DYNLT2: variants seen among roughly 807,000 people sequenced by gnomAD.
DYNLT2 encodes dynein light chain Tctex-type 2, also known as dynein light chain Tctex-type protein 2.
A neutral mutation model predicts 24.3 loss-of-function variants in DYNLT2; 24 were observed. The ratio of observed to expected loss-of-function variants is 0.99; its 90% confidence interval spans 0.71 to 1.39. The LOEUF (loss-of-function observed/expected upper bound fraction) is 1.39. Ranked by LOEUF, DYNLT2 falls within the 40% of genes most tolerant of loss-of-function variation. The probability of loss-of-function intolerance (pLI) is 0.00; values close to 1 mark genes in which losing one functional copy is unlikely to be tolerated. For missense variants in DYNLT2, 246 were observed against 234.5 expected (o/e 1.05, Z -0.32); for synonymous variants, 85 against 85.4 (o/e 1.00, Z 0.03).
At chr6:169,738,304 T>C (rs1374453008), downstream of DYNLT2, among the ~76,000 whole-genome samples, 3 of 152,220 alleles carry the variant, frequency 2.0e-5, no homozygotes, top group African/African-American at 7.2e-5. Flanking sequence ...ATCAGGCAGC[T>C]GCAGCCAGTG....
chr6:169,738,632 G>C (rs1249622140), downstream of DYNLT2: 2 of 152,268 alleles, frequency 1.3e-5, no homozygotes, highest in Non-Finnish European at 2.9e-5. Flanking sequence ...ATTTTGATGA[G>C]AGAACCTGGA....
intron 1 of DYNLT2, among the ~76,000 whole-genome samples, chr6:169,745,082 T>C (rs992399870): frequency 5.3e-5 from 8 of 152,034 alleles, no homozygotes; most frequent in African/African-American, 1.9e-4. Flanking sequence ...TGATGTTTGC[T>C]GTGAAGTTTT....
intron 3 of DYNLT2, 74 bp downstream of exon 3, chr6:169,743,006 A>G: frequency 8.1e-7 from 1 of 1,231,900 alleles, no homozygotes; most frequent in Non-Finnish European, 1.1e-6. Context: ...AGTCATCACA[A>G]TAAAAATCAA....
the DYNLT2 span, among the ~76,000 whole-genome samples, chr6:169,731,444 G>A: frequency 1.3e-5 from 2 of 152,128 alleles, no homozygotes; most frequent in East Asian, 1.9e-4. Context: ...GAGATGAGAC[G>A]TAAGGCAAAG....
chr6:169,744,359 T>C (rs1327719330), intron 1 of DYNLT2, 85 bp from the exon 2 acceptor site: 2 of 1,146,022 alleles, frequency 1.7e-6, no homozygotes, highest in African/African-American at 3.1e-5. Flanking sequence ...TAAATAAGCC[T>C]GTACAGTGGG....
At chr6:169,734,983 T>C in the DYNLT2 span, among the ~76,000 whole-genome samples, 1 of 152,216 alleles carries the variant, frequency 6.6e-6, no homozygotes, top group Non-Finnish European at 1.5e-5. Flanking sequence ...ATTGGTCTAT[T>C]CAGGGATTCA....
intron 2 of DYNLT2, among the ~76,000 whole-genome samples, chr6:169,743,521 A>G (rs1789726397): frequency 6.6e-6 from 1 of 152,206 alleles, no homozygotes; most frequent in Admixed American, 6.5e-5. Context: ...AATAGACACA[A>G]GGAGATTTTC....
chr6:169,744,649 C>G (rs1789754516), intron 1 of DYNLT2, among the ~76,000 whole-genome samples: 1 of 152,036 alleles, frequency 6.6e-6, no homozygotes, highest in Non-Finnish European at 1.5e-5. Flanking sequence ...TCCTCCCTAC[C>G]CTGAGATTAT....
chr6:169,729,929 A>G, the DYNLT2 span, among the ~76,000 whole-genome samples: 1 of 152,010 alleles, frequency 6.6e-6, no homozygotes, highest in Non-Finnish European at 1.5e-5. Context: ...TGTTTAAGCA[A>G]CCCAGTCTAA....
chr6:169,732,452 C>T, the DYNLT2 span, among the ~76,000 whole-genome samples: 1 of 152,152 alleles, frequency 6.6e-6, no homozygotes, highest in Non-Finnish European at 1.5e-5. Flanking sequence ...CTCTCACCCC[C>T]AACAGGCCCT....
Position 169,744,175 on chromosome 6 carries a change from A to G in DYNLT2, c.220T>C (p.Trp74Arg). Residue 74 changes from tryptophan (W) to arginine (R), a missense_variant, in exon 2 of 4, where the codon TGG (tryptophan) becomes CGG (arginine). Coordinates refer to ENST00000366774, the MANE Select transcript of DYNLT2 (RefSeq NM_174910.3). ...DDSIADIGKEWKSALAKLKFA... is the reference protein window; with the variant it reads ...DDSIADIGKERKSALAKLKFA... ...TTTAATTTTGCCAGGGCACTCTTCC[A>G]TTCTTTACCTATATCAGCAATTGAG... The G allele has an allele frequency of 6.2e-7, 1 of 1,613,472 alleles. No individual in the cohort carries two copies. The highest frequency in any genetic ancestry group is 8.5e-7 in the Non-Finnish European group (1 of 1,179,894).
downstream of DYNLT2, among the ~76,000 whole-genome samples, chr6:169,735,985 A>G (rs753308609): frequency 3.9e-5 from 6 of 152,226 alleles, no homozygotes; most frequent in Non-Finnish European, 7.3e-5. Context: ...GGGTACATAT[A>G]TATTCAGAAT....
intron 1 of DYNLT2, among the ~76,000 whole-genome samples, chr6:169,748,472 G>A (rs890933799): frequency 6.6e-6 from 1 of 152,136 alleles, no homozygotes; most frequent in Non-Finnish European, 1.5e-5. Context: ...ACATTTTTGT[G>A]TGTTACTTTA....
intron 3 of DYNLT2, among the ~76,000 whole-genome samples, chr6:169,740,763 G>A (rs558027379): frequency 7.9e-5 from 12 of 151,702 alleles, no homozygotes; most frequent in African/African-American, 2.4e-4. Flanking sequence ...ACCCATATGT[G>A]ATCTGATTCC....
chr6:169,744,386 G>A, intron 1 of DYNLT2, 112 bp from the exon 2 acceptor site: 6 of 881,940 alleles, frequency 6.8e-6, no homozygotes, highest in Non-Finnish European at 1.0e-5. Flanking sequence ...CTCACACAAA[G>A]CTTGGAAATT....
downstream of DYNLT2, among the ~76,000 whole-genome samples, chr6:169,738,109 G>C (rs1789598941): frequency 6.6e-6 from 1 of 152,224 alleles, no homozygotes; most frequent in South Asian, 2.1e-4. Context: ...GGTGTGTTGG[G>C]CTGTGGGGAC....
At chr6:169,726,832 T>G in the DYNLT2 span, among the ~76,000 whole-genome samples, 1 of 152,214 alleles carries the variant, frequency 6.6e-6, no homozygotes, top group Non-Finnish European at 1.5e-5. Context: ...AATGCCTTAC[T>G]GTTTACTAAG....
intron 1 of DYNLT2, among the ~76,000 whole-genome samples, chr6:169,748,241 CCT>C (rs1789856379): frequency 6.6e-6 from 1 of 152,066 alleles, no homozygotes; most frequent in Admixed American, 6.6e-5. Flanking sequence ...TTTGTGCATC[CCT>C]GTCTTAATAC....
At chr6:169,725,474 TC>T in the DYNLT2 span, 1 of 397,132 alleles carries the variant, frequency 2.5e-6, no homozygotes, top group East Asian at 3.6e-5. Context: ...CCGATCCTAA[TC>T]CAGCTTGGTT....
Sources: gnomAD v4.1 joint callset for allele counts (sites outside exome capture counted in the v4.1 genomes callset) on GRCh38, gnomAD v4.1.1 for gene constraint, MANE v1.5 for transcripts, NCBI Gene and HGNC (gene_info 2026-07-23, HGNC 2026-07-21) for gene names.